The following METTL13 variants were observed in gnomAD, a reference collection of about 807,000 sequenced individuals.
METTL13 encodes the protein methyltransferase 13, eEF1A N-terminus and K55.
Under a neutral mutation model 67.4 loss-of-function variants are expected in METTL13, and 52 were observed. The observed-to-expected ratio is 0.77, with a 90% confidence interval of 0.62 to 0.97. METTL13 has a LOEUF of 0.97. Among genes scored for constraint, METTL13 ranks in the 50% least tolerant of loss-of-function variants. METTL13 has a pLI of 0.00. For synonymous variants in METTL13, 354 were observed against 353.6 expected, an observed-to-expected ratio of 1.00 and a Z score of -0.01; for missense variants, 825 against 889.6, an observed-to-expected ratio of 0.93 and a Z score of 0.92.
chr1:171,793,176 G>A (rs1657262188), intron 6 of METTL13, among the ~76,000 whole-genome samples: 1 of 152,158 alleles, frequency 6.6e-6, no homozygotes, highest in African/African-American at 2.4e-5. Context: ...TAAGGGTGTG[G>A]CAAACTAGGA....
At chr1:171,783,253 C>A (rs371904192) in intron 1 of METTL13, among the ~76,000 whole-genome samples, 5 of 152,026 alleles carry the variant, frequency 3.3e-5, no homozygotes, top group African/African-American at 7.3e-5. Context: ...ATTTTAAGTT[C>A]GGCTTCAGAA....
chr1:171,784,549 G>A (rs976284985), intron 2 of METTL13, 50 bp downstream of exon 2: 1 of 1,447,806 alleles, frequency 6.9e-7, no homozygotes, highest in Non-Finnish European at 9.1e-7. Context: ...GCTTACAGGG[G>A]CTGGGGCTTG....
chr1:171,782,565 C>T (rs201192185), intron 1 of METTL13, among the ~76,000 whole-genome samples: 8 of 102,160 alleles, frequency 7.8e-5, no homozygotes, highest in Non-Finnish European at 1.4e-4. Flanking sequence ...GAGACCCTGT[C>T]TAAAAAAAAA....
chr1:171,786,407 T>G lies in METTL13; in HGVS notation c.1113+329T>G, dbSNP rs79133693. Among the ~76,000 whole-genome samples, 1,024 of 152,316 alleles carry G rather than the reference T, an allele frequency of 6.7e-3. 2 individuals carry two copies. Among genetic ancestry groups the G allele is most frequent in the Non-Finnish European group, 9.9e-3 (673 of 68,034 alleles). On this transcript the variant is annotated intron_variant, in intron 3 of 7. Transcript: ENST00000361735. ...GGATTTCTCCTTCCACACTGGACTT[T>G]CTTGGTCATTTTGCTTCTTAGAACT...
chr1:171,792,144 C>G lies in METTL13; in HGVS notation c.1602C>G (p.Thr534=). The G allele has an allele frequency of 6.2e-7, 1 of 1,614,176 alleles. No individual in the cohort carries two copies. The highest frequency in any genetic ancestry group is 8.5e-7 in the Non-Finnish European group (1 of 1,180,036). ...ATCCCTCCATGTTGGAAGTGGCCAC[C>G]CAGTGGTTTGGCTTCTCCCAGAGTG... The part of the protein sequence containing the change: ...EIDPSMLEVA[T]QWFGFSQSDR... Residue 534 remains threonine, a synonymous_variant, in exon 6 of 8, where the codon ACC becomes ACG. Coordinates refer to ENST00000361735, the MANE Select transcript of METTL13 (RefSeq NM_015935.5).
intron 3 of METTL13, among the ~76,000 whole-genome samples, chr1:171,787,177 T>C (rs1029803345): frequency 6.6e-6 from 1 of 151,886 alleles, no homozygotes; most frequent in Non-Finnish European, 1.5e-5. Context: ...ACTAGTCTTA[T>C]AGGTCTTTAA....
At chr1:171,788,033 G>A in intron 4 of METTL13, 103 bp downstream of exon 4, 1 of 1,122,266 alleles carries the variant, frequency 8.9e-7, no homozygotes, top group South Asian at 1.5e-5. Flanking sequence ...GTGTCTGTAG[G>A]TTCTTAACCA....
chr1:171,794,011 A>T (rs1657286247), intron 6 of METTL13, among the ~76,000 whole-genome samples: 1 of 152,182 alleles, frequency 6.6e-6, no homozygotes, highest in Admixed American at 6.5e-5. Context: ...AGGATATTTT[A>T]TTCTGTTGGT....
chr1:171,796,848 G>A lies in METTL13; in HGVS notation c.*92G>A. 2 of 1,490,898 alleles carry A rather than the reference G, an allele frequency of 1.3e-6. No individual in the cohort carries two copies. The highest frequency in any genetic ancestry group is 2.3e-5 in the East Asian group (1 of 43,956). 92.4% of individuals were successfully genotyped at this position (1,490,898 alleles called of 1,614,324 possible). On this transcript the variant is annotated 3_prime_UTR_variant, in exon 8 of 8. Transcript: ENST00000361735. ...AAATACAACGCACAGTACTTTTGAAGCTTCGTATTTTTCTTGGTTTCACAC... is the reference window on the plus strand; with the variant it reads ...AAATACAACGCACAGTACTTTTGAAACTTCGTATTTTTCTTGGTTTCACAC...
Position 171,784,173 on chromosome 1 carries a change from C to T in METTL13, c.587C>T (p.Ala196Val). ...VANSQDQVLEAEPQFSLPVFA... is the reference protein window; with the variant it reads ...VANSQDQVLEVEPQFSLPVFA... ...AACAGCCAGGACCAGGTGTTGGAAG[C>T]AGAGCCTCAGTTCTCCTTGCCTGTC... Residue 196 changes from alanine (A) to valine (V), a missense_variant, in exon 2 of 8, where the codon GCA (alanine) becomes GTA (valine). Transcript: ENST00000361735. The T allele has an allele frequency of 6.2e-7, 1 of 1,614,214 alleles. No individual in the cohort carries two copies. Among genetic ancestry groups the T allele is most frequent in the Non-Finnish European group, 8.5e-7 (1 of 1,180,046 alleles).
Position 171,796,397 on chromosome 1 carries a change from A to G in METTL13, c.1826-85A>G, listed in dbSNP as rs1419666052. ...AGTCCACCAGTCTCCCTGGGACAGGAATTGGTATTTTCCTCAAAGCCGATC... is the reference window on the plus strand; with the variant it reads ...AGTCCACCAGTCTCCCTGGGACAGGGATTGGTATTTTCCTCAAAGCCGATC... On this transcript the variant is annotated intron_variant, in intron 7 of 7. Transcript: ENST00000361735. 3.3e-6 allele frequency: 5 copies of G among 1,504,672 alleles called. 1 individual carries two copies. The Admixed American group carries it at 8.9e-5, about 27-fold the overall frequency. The allele number at this position is 1,504,672 out of a possible 1,614,324, so 93.2% of individuals were successfully genotyped here.
At chr1:171,788,611 A>G (rs1047290806) in intron 4 of METTL13, among the ~76,000 whole-genome samples, 1 of 151,848 alleles carries the variant, frequency 6.6e-6, no homozygotes, top group African/African-American at 2.4e-5. Flanking sequence ...TCACTCAGAA[A>G]CTCCCCCGAT....
chr1:171,796,960 C>A lies in METTL13; in HGVS notation c.*204C>A. On this transcript the variant is annotated 3_prime_UTR_variant, in exon 8 of 8. Coordinates refer to ENST00000361735, the MANE Select transcript of METTL13 (RefSeq NM_015935.5). ...CCTTCCCATCTTGTCCTCTTCAGTA[C>A]CACTTGGGTTGGTTTGTCTTTGCTT... is the stretch of plus-strand genomic sequence containing the variant. 1.6e-6 allele frequency: 1 copy of A among 639,978 alleles called. No homozygotes were observed. Among genetic ancestry groups the A allele is most frequent in the South Asian group, 2.0e-5 (1 of 50,432 alleles). 39.6% of individuals were successfully genotyped at this position (639,978 alleles called of 1,614,324 possible).
At chr1:171,786,847 A>AT (rs1657032683) in intron 3 of METTL13, among the ~76,000 whole-genome samples, 1 of 151,078 alleles carries the variant, frequency 6.6e-6, no homozygotes, top group Non-Finnish European at 1.5e-5. Context: ...TTTTTTTTAC[A>AT]TTTTTTGTAG....
At chr1:171,794,338 T>C in intron 6 of METTL13, 58 bp from the exon 7 acceptor site, 1 of 1,609,932 alleles carries the variant, frequency 6.2e-7, no homozygotes, top group Non-Finnish European at 8.5e-7. Flanking sequence ...AGTGTTGGAA[T>C]GTAAATGGTA....
intron 2 of METTL13, 94 bp from the exon 3 acceptor site, chr1:171,785,785 C>A: frequency 7.6e-7 from 1 of 1,308,656 alleles, no homozygotes; most frequent in Non-Finnish European, 1.1e-6. Context: ...AGATGCTGGT[C>A]TTGGACAGGG....
chr1:171,782,211 G>A, intron 1 of METTL13, 91 bp downstream of exon 1: 1 of 1,092,644 alleles, frequency 9.2e-7, no homozygotes, highest in Non-Finnish European at 1.4e-6. Context: ...AGTGACAGGC[G>A]GGAGGACCCT....
In METTL13 at chr1:171,796,887, A is replaced by T; in HGVS notation, c.*131A>T. Reference sequence around the variant, plus strand: ...TTGGTTTCACACTCAGCTACATGTGACCTCCAGCTTGGTGAGGTTGCCTGA... The same window carrying T: ...TTGGTTTCACACTCAGCTACATGTGTCCTCCAGCTTGGTGAGGTTGCCTGA... On this transcript the variant is annotated 3_prime_UTR_variant, in exon 8 of 8. Transcript: ENST00000361735. 1 of 1,228,616 alleles carries T rather than the reference A, an allele frequency of 8.1e-7. No individual in the cohort carries two copies. The highest frequency in any genetic ancestry group is 1.1e-6 in the Non-Finnish European group (1 of 895,966). The allele number at this position is 1,228,616 out of a possible 1,614,324, so 76.1% of individuals were successfully genotyped here. A position where few individuals can be genotyped will look rare whatever the true frequency, so the allele number is the denominator to read the frequency against.
At chr1:171,793,996 AC>A (rs1424274767) in intron 6 of METTL13, among the ~76,000 whole-genome samples, 5 of 152,224 alleles carry the variant, frequency 3.3e-5, no homozygotes, top group South Asian at 2.1e-4. Context: ...GCCCCCTACT[AC>A]CCCAGGATAT....
Sources: gnomAD v4.1 joint callset for allele counts (sites outside exome capture counted in the v4.1 genomes callset) on GRCh38, gnomAD v4.1.1 for gene constraint, MANE v1.5 for transcripts, NCBI Gene and HGNC (gene_info 2026-07-23, HGNC 2026-07-21) for gene names.